Variants in SLC22A23 observed in about 807,000 individuals in gnomAD.
SLC22A23 encodes the protein ion transporter protein.
A neutral mutation model predicts 61.0 loss-of-function variants in SLC22A23; 26 were observed. That is an observed-to-expected ratio of 0.43 (90% CI 0.31 to 0.59). The LOEUF (loss-of-function observed/expected upper bound fraction) is 0.59, where lower values mean the gene tolerates loss of function less well. SLC22A23 is among the 20% of genes least tolerant of loss of function. SLC22A23 has a pLI of 0.11. For synonymous variants in SLC22A23, 430 were observed against 413.9 expected (o/e 1.04, Z -0.47); for missense variants, 796 against 934.7 (o/e 0.85, Z 1.94).
chr6:3,293,320 A>G (rs7748151), intron 5 of SLC22A23, among the ~76,000 whole-genome samples: 14,359 of 152,262 alleles, frequency 0.094, 869 homozygotes, highest in African/African-American at 0.15. Flanking sequence ...TTAAAAAAGC[A>G]CACCAAACGC....
chr6:3,339,236 C>T (rs1313639351), intron 3 of SLC22A23, among the ~76,000 whole-genome samples: 1 of 152,164 alleles, frequency 6.6e-6, no homozygotes, highest in African/African-American at 2.4e-5. Context: ...CTTTCCCCCA[C>T]CCCCAATCTG....
At chr6:3,346,972 A>G (rs542017754) in intron 3 of SLC22A23, among the ~76,000 whole-genome samples, 11 of 152,266 alleles carry the variant, frequency 7.2e-5, no homozygotes, top group Admixed American at 1.3e-4. Flanking sequence ...AAATACAGAC[A>G]TATGTATTAA....
chr6:3,285,028 TTTA>T (rs771346960), intron 8 of SLC22A23, 48 bp downstream of exon 8: 1 of 1,604,372 alleles, frequency 6.2e-7, no homozygotes. Flanking sequence ...AAAACACCCA[TTTA>T]GATGTAATAT....
intron 3 of SLC22A23, among the ~76,000 whole-genome samples, chr6:3,358,848 G>A (rs1411247700): frequency 6.6e-6 from 1 of 152,118 alleles, no homozygotes; most frequent in East Asian, 1.9e-4. Flanking sequence ...AAGTGAGAAG[G>A]GATCTGCCAT....
intron 1 of SLC22A23, among the ~76,000 whole-genome samples, chr6:3,418,650 G>T (rs568454452): frequency 1.3e-5 from 2 of 152,314 alleles, no homozygotes; most frequent in Admixed American, 6.5e-5. Flanking sequence ...TGGGGAGGGG[G>T]TGCAGGAAAC....
chr6:3,424,910 C>T (rs1040762202), intron 1 of SLC22A23, among the ~76,000 whole-genome samples: 2 of 152,190 alleles, frequency 1.3e-5, no homozygotes, highest in African/African-American at 4.8e-5. Flanking sequence ...CTGCAAGTTC[C>T]TTGAAGAAAG....
At chr6:3,409,928 C>T (rs553515413) in intron 3 of SLC22A23, among the ~76,000 whole-genome samples, 4 of 152,266 alleles carry the variant, frequency 2.6e-5, no homozygotes, top group Admixed American at 6.5e-5. Context: ...AAGAACCGAT[C>T]GCCACTCCTC....
intron 4 of SLC22A23, among the ~76,000 whole-genome samples, chr6:3,311,095 C>G (rs1762345280): frequency 6.6e-6 from 1 of 152,208 alleles, no homozygotes; most frequent in Non-Finnish European, 1.5e-5. Flanking sequence ...AGATGAAACA[C>G]ACACAGTGTC....
intron 3 of SLC22A23, among the ~76,000 whole-genome samples, chr6:3,389,102 T>C: frequency 6.6e-6 from 1 of 151,360 alleles, no homozygotes; most frequent in East Asian, 1.9e-4. Context: ...GCCCCATCTC[T>C]ACGAAAAATA....
chr6:3,436,412 A>G (rs1397366593), intron 1 of SLC22A23, among the ~76,000 whole-genome samples: 1 of 152,202 alleles, frequency 6.6e-6, no homozygotes, highest in Non-Finnish European at 1.5e-5. Flanking sequence ...CTGGGATTAC[A>G]GGCGTAAGCC....
At chr6:3,338,238 G>A (rs939753700) in intron 3 of SLC22A23, among the ~76,000 whole-genome samples, 8 of 152,190 alleles carry the variant, frequency 5.3e-5, no homozygotes, top group South Asian at 2.1e-4. Flanking sequence ...ATTTCCTTGG[G>A]CTTTCATTTC....
At chr6:3,275,995 C>T (rs1353015668) in intron 9 of SLC22A23, among the ~76,000 whole-genome samples, 2 of 152,188 alleles carry the variant, frequency 1.3e-5, no homozygotes, top group African/African-American at 4.8e-5. Context: ...GATGGGAGTC[C>T]CAGGGTTCCC....
intron 1 of SLC22A23, among the ~76,000 whole-genome samples, chr6:3,453,250 TA>T (rs1301901963): frequency 6.6e-6 from 1 of 152,038 alleles, no homozygotes; most frequent in Non-Finnish European, 1.5e-5. Flanking sequence ...AATAATTTTT[TA>T]AAAAAAATTA....
rs564087351 is a variant in SLC22A23, at chr6:3,417,871, G to A, written c.655-2016C>T. On this transcript the variant is annotated intron_variant, in intron 1 of 9. Coordinates refer to ENST00000406686, the MANE Select transcript of SLC22A23 (RefSeq NM_015482.2). The stretch of plus-strand genomic sequence containing the variant: ...TGCAAATGCAGGGTCGTACAGCTAG[G>A]TGATGAGTTCAGTGAGCTTTTGGAG... Among the ~76,000 whole-genome samples the A allele has an allele frequency of 2.0e-5, 3 of 152,368 alleles. No homozygotes were observed. The East Asian group carries it at 5.8e-4, about 29-fold the overall frequency.
chr6:3,281,063 A>T (rs1468368936), intron 9 of SLC22A23, among the ~76,000 whole-genome samples: 2 of 152,184 alleles, frequency 1.3e-5, no homozygotes, highest in African/African-American at 4.8e-5. Context: ...CCCCTCCGTG[A>T]GGGCAAAGGA....
chr6:3,293,762 C>T (rs1760831079), intron 5 of SLC22A23, among the ~76,000 whole-genome samples: 1 of 152,196 alleles, frequency 6.6e-6, no homozygotes. Flanking sequence ...TGGAGGTGGC[C>T]TGACATATCC....
intron 5 of SLC22A23, among the ~76,000 whole-genome samples, chr6:3,295,718 G>A (rs945924698): frequency 1.3e-5 from 2 of 152,184 alleles, no homozygotes; most frequent in African/African-American, 2.4e-5. Flanking sequence ...TGAAAGACAC[G>A]CTGCCTTCCC....
intron 1 of SLC22A23, among the ~76,000 whole-genome samples, chr6:3,424,766 A>G (rs183567124): frequency 1.3e-5 from 2 of 152,340 alleles, no homozygotes; most frequent in East Asian, 3.9e-4. Context: ...CTTCATTCAT[A>G]TATTCATTTG....
At chr6:3,280,754 C>T (rs1169121268) in intron 9 of SLC22A23, among the ~76,000 whole-genome samples, 1 of 152,148 alleles carries the variant, frequency 6.6e-6, no homozygotes, top group Non-Finnish European at 1.5e-5. Flanking sequence ...CCTCAGCCTC[C>T]CAAAGTGCTG....
Sources: allele counts gnomAD v4.1 joint callset (sites outside exome capture counted in the v4.1 genomes callset), GRCh38; gene constraint gnomAD v4.1.1; transcripts MANE v1.5; gene names NCBI Gene and HGNC (gene_info 2026-07-23, HGNC 2026-07-21).